FBXW10B: variants seen among roughly 807,000 people sequenced by gnomAD.
The protein encoded by FBXW10B is F-box and WD repeat domain containing 10B.
chr17:15,586,254 T>A, the FBXW10B span, among the ~76,000 whole-genome samples: 2 of 151,744 alleles, frequency 1.3e-5, no homozygotes, highest in African/African-American at 2.4e-5. Context: ...ATCTTCAACA[T>A]CATCTGTTCT....
the FBXW10B span, among the ~76,000 whole-genome samples, chr17:15,583,851 T>A: frequency 6.6e-6 from 1 of 151,586 alleles, no homozygotes; most frequent in Admixed American, 6.6e-5. Flanking sequence ...AAACTTGTCT[T>A]ATTTTAAGGG....
the FBXW10B span, chr17:15,615,574 A>G: frequency 6.3e-7 from 1 of 1,594,690 alleles, no homozygotes; most frequent in Non-Finnish European, 8.6e-7. Context: ...CGGCCTCCCA[A>G]AGTGCTGGGA....
At chr17:15,578,348 GC>G in the FBXW10B span, among the ~76,000 whole-genome samples, 1 of 150,908 alleles carries the variant, frequency 6.6e-6, no homozygotes, top group Non-Finnish European at 1.5e-5. Context: ...AGCTGCACGT[GC>G]ACGCAGCTGC....
chr17:15,606,614 T>C, the FBXW10B span, among the ~76,000 whole-genome samples: 1 of 149,148 alleles, frequency 6.7e-6, no homozygotes, highest in African/African-American at 2.5e-5. Context: ...TTTATGTATA[T>C]ATATATACAT....
At chr17:15,605,546 A>G in the FBXW10B span, 6 of 1,434,450 alleles carry the variant, frequency 4.2e-6, no homozygotes, top group Non-Finnish European at 5.6e-6. Context: ...CCTTTCAACA[A>G]GGGAGGCAGC....
the FBXW10B span, among the ~76,000 whole-genome samples, chr17:15,609,852 CTTTTTTTT>C: frequency 4.8e-5 from 5 of 103,190 alleles, no homozygotes; most frequent in East Asian, 9.2e-4. Context: ...TTCTTTCTTT[CTTTTTTTT>C]TTTTTTTTTT....
the FBXW10B span, chr17:15,593,386 C>T: frequency 3.1e-5 from 50 of 1,614,184 alleles, no homozygotes; most frequent in African/African-American, 5.5e-4. Context: ...CTGCCATTGG[C>T]TTTTATCACC....
At chr17:15,595,400 T>A in the FBXW10B span, among the ~76,000 whole-genome samples, 1 of 151,256 alleles carries the variant, frequency 6.6e-6, no homozygotes, top group South Asian at 2.1e-4. Context: ...GCCAATGGAG[T>A]CCATTCCACA....
chr17:15,618,403 G>A, the FBXW10B span, among the ~76,000 whole-genome samples: 1 of 152,038 alleles, frequency 6.6e-6, no homozygotes, highest in Admixed American at 6.6e-5. Flanking sequence ...GGAGGAGCTT[G>A]TTTTAACAGG....
the FBXW10B span, chr17:15,619,470 G>A: frequency 8.7e-6 from 14 of 1,613,636 alleles, no homozygotes; most frequent in South Asian, 5.5e-5. Flanking sequence ...TTCTCACAAC[G>A]AAAATAGGGG....
At chr17:15,570,740 T>C in the FBXW10B span, among the ~76,000 whole-genome samples, 5 of 152,248 alleles carry the variant, frequency 3.3e-5, no homozygotes, top group Non-Finnish European at 7.3e-5. Context: ...AGCAAGGGTA[T>C]AGAATACAAG....
chr17:15,607,562 C>T, the FBXW10B span: 124 of 1,608,516 alleles, frequency 7.7e-5, no homozygotes, highest in African/African-American at 1.6e-3. Flanking sequence ...AGATTCTGAC[C>T]CCAGTACCTA....
the FBXW10B span, among the ~76,000 whole-genome samples, chr17:15,575,437 G>A: frequency 1.3e-5 from 2 of 149,166 alleles, no homozygotes; most frequent in South Asian, 2.1e-4. Flanking sequence ...TATTAAATTC[G>A]CTGCTCCATC....
the FBXW10B span, among the ~76,000 whole-genome samples, chr17:15,599,160 C>T: frequency 2.3e-4 from 28 of 123,790 alleles, no homozygotes; most frequent in African/African-American, 8.9e-4. Context: ...GCCAATAGAG[C>T]GAGACTCTGT....
At chr17:15,576,308 G>A in the FBXW10B span, among the ~76,000 whole-genome samples, 1 of 152,174 alleles carries the variant, frequency 6.6e-6, no homozygotes, top group Non-Finnish European at 1.5e-5. Flanking sequence ...CATCAAGAGT[G>A]TATTGATCAC....
chr17:15,612,239 G>A, the FBXW10B span, among the ~76,000 whole-genome samples: 1 of 152,196 alleles, frequency 6.6e-6, no homozygotes, highest in African/African-American at 2.4e-5. Flanking sequence ...TGGGCGCGGT[G>A]GCTCACGCCT....
chr17:15,566,003 T>C, the FBXW10B span: 1 of 1,610,908 alleles, frequency 6.2e-7, no homozygotes, highest in Non-Finnish European at 8.5e-7. Flanking sequence ...TGCAAAGAGA[T>C]CTTCAAGTTG....
At chr17:15,608,484 A>C in the FBXW10B span, among the ~76,000 whole-genome samples, 1 of 129,916 alleles carries the variant, frequency 7.7e-6, no homozygotes, top group Non-Finnish European at 1.6e-5. Flanking sequence ...ACGGAGTTTC[A>C]CTCTTCTTAC....
At chr17:15,605,187 G>C in the FBXW10B span, 1 of 1,589,318 alleles carries the variant, frequency 6.3e-7, no homozygotes, top group South Asian at 1.2e-5. Flanking sequence ...TAGGCCCTAG[G>C]TGGGACAGGG....
Sources: allele counts gnomAD v4.1 joint callset (sites outside exome capture counted in the v4.1 genomes callset), GRCh38; gene constraint gnomAD v4.1.1; transcripts MANE v1.5; gene names NCBI Gene and HGNC (gene_info 2026-07-23, HGNC 2026-07-21).